CNBD1: variants seen among roughly 807,000 people sequenced by gnomAD.
The protein encoded by CNBD1 is cyclic nucleotide binding domain containing 1, also known as cyclic nucleotide-binding domain-containing protein 1.
A neutral mutation model predicts 54.4 loss-of-function variants in CNBD1; 71 were observed. The observed-to-expected ratio is 1.30, with a 90% CI of 1.08 to 1.59. The LOEUF is 1.59. Among genes scored for constraint, CNBD1 ranks in the 40% most tolerant of loss-of-function variants. The pLI, the probability that CNBD1 is intolerant of heterozygous loss-of-function variation, is 0.00. For synonymous variants in CNBD1, 182 were observed against 170.7 expected, an observed-to-expected ratio of 1.07 and a Z score of -0.51; for missense variants, 659 against 518.0, an observed-to-expected ratio of 1.27 and a Z score of -2.64.
At position 87,321,273 on chromosome 8, in the gene CNBD1, G is replaced by A. The variant is rs375672837; in HGVS notation, c.1043-30412G>A. On this transcript the variant is annotated intron_variant, in intron 8 of 10. Transcript: ENST00000518476. ...CTTCATACTGTTTTCCATAATAGCT[G>A]CAACATTTCGCATTATCACCAACAG... is the stretch of plus-strand genomic sequence containing the variant. 5.3e-5 allele frequency among the ~76,000 whole-genome samples: 8 copies of A among 152,116 alleles called. No individual in the cohort carries two copies. The East Asian group carries it at 7.7e-4, about 15-fold the overall frequency.
At chr8:86,993,135 G>C (rs1278498297) in intron 4 of CNBD1, among the ~76,000 whole-genome samples, 1 of 151,950 alleles carries the variant, frequency 6.6e-6, no homozygotes, top group Non-Finnish European at 1.5e-5. Flanking sequence ...ATATTTCTTG[G>C]AGATTTTATT....
chr8:87,204,587 A>G (rs1813929726), intron 4 of CNBD1, among the ~76,000 whole-genome samples: 1 of 152,174 alleles, frequency 6.6e-6, no homozygotes, highest in South Asian at 2.1e-4. Flanking sequence ...GCTACAAACA[A>G]GCAGAACTAA....
At chr8:87,383,043 A>T (rs1811113869), downstream of CNBD1, among the ~76,000 whole-genome samples, 1 of 151,526 alleles carries the variant, frequency 6.6e-6, no homozygotes, top group African/African-American at 2.4e-5. Context: ...TTTTGGGATT[A>T]AAAAAAATCT....
chr8:87,339,713 GC>G (rs1481433129), intron 8 of CNBD1, among the ~76,000 whole-genome samples: 1 of 151,654 alleles, frequency 6.6e-6, no homozygotes, highest in African/African-American at 2.4e-5. Context: ...TTACTGTGGG[GC>G]TTACATAAAA....
At position 87,264,252 on chromosome 8, in the gene CNBD1, GT is replaced by G. The variant is rs1251154274; in HGVS notation, c.772-20419del. 5.3e-5 allele frequency among the ~76,000 whole-genome samples: 8 copies of G among 151,938 alleles called. No homozygotes were observed. In the East Asian group the frequency reaches 9.8e-4, roughly 19 times the overall value. On this transcript the variant is annotated intron_variant, in intron 6 of 10. Coordinates refer to ENST00000518476, the MANE Select transcript of CNBD1 (RefSeq NM_173538.3). ...TATGAGTGAGAACATGTGGTGTTTG[GT>G]TTTTTTGTCCTTGCGATAGTTTGCT...
intron 4 of CNBD1, among the ~76,000 whole-genome samples, chr8:87,083,585 CTTTTTTTTT>C (rs752855766): frequency 1.7e-5 from 2 of 117,162 alleles, no homozygotes; most frequent in African/African-American, 6.6e-5. Flanking sequence ...CAATGTATTT[CTTTTTTTTT>C]TTTTTTTTTT....
chr8:87,040,353 T>A (rs1810038707), intron 4 of CNBD1, among the ~76,000 whole-genome samples: 1 of 152,196 alleles, frequency 6.6e-6, no homozygotes, highest in Admixed American at 6.5e-5. Context: ...CAGTTACAAT[T>A]TTGCAATGGT....
intron 6 of CNBD1, among the ~76,000 whole-genome samples, chr8:87,274,141 G>C (rs1429817891): frequency 6.6e-6 from 1 of 151,842 alleles, no homozygotes; most frequent in African/African-American, 2.4e-5. Flanking sequence ...TAGTGTATAT[G>C]TGCCACATTT....
intron 8 of CNBD1, among the ~76,000 whole-genome samples, chr8:87,351,177 T>G (rs894636798): frequency 6.6e-6 from 1 of 152,132 alleles, no homozygotes; most frequent in Non-Finnish European, 1.5e-5. Flanking sequence ...AGTAGCGGAG[T>G]AGGTTCAAAC....
chr8:87,043,758 G>C (rs1188302415), intron 4 of CNBD1, among the ~76,000 whole-genome samples: 1 of 152,174 alleles, frequency 6.6e-6, no homozygotes, highest in African/African-American at 2.4e-5. Context: ...CCAGTCCCCG[G>C]TTAATGTTCT....
At chr8:86,878,987 A>T (rs1808565346) in intron 1 of CNBD1, among the ~76,000 whole-genome samples, 1 of 152,290 alleles carries the variant, frequency 6.6e-6, no homozygotes. Flanking sequence ...AATGACATTG[A>T]CTTGATGTTC....
intron 2 of CNBD1, among the ~76,000 whole-genome samples, chr8:87,422,833 G>A (rs1807965292): frequency 6.6e-6 from 1 of 152,080 alleles, no homozygotes; most frequent in African/African-American, 2.4e-5. Flanking sequence ...AGCTTGTTGG[G>A]GATGGCATTG....
At chr8:87,266,612 G>A (rs1330487248) in intron 6 of CNBD1, among the ~76,000 whole-genome samples, 4 of 151,230 alleles carry the variant, frequency 2.6e-5, no homozygotes, top group Non-Finnish European at 5.9e-5. Context: ...CCACCACCCC[G>A]GCTAATTTTG....
chr8:87,417,460 A>G (rs1293153586), intron 2 of CNBD1, among the ~76,000 whole-genome samples: 1 of 152,002 alleles, frequency 6.6e-6, no homozygotes, highest in Admixed American at 6.6e-5. Context: ...ATAAAAGGGA[A>G]TTTCCTCAAC....
rs1024337931 is a variant in CNBD1, at chr8:87,279,811, A to G, written c.772-4867A>G. Among the ~76,000 whole-genome samples the G allele has an allele frequency of 1.1e-3, 169 of 151,366 alleles. 1 individual carries two copies. The highest frequency in any genetic ancestry group is 6.8e-3 in the Middle Eastern group (2 of 294). On this transcript the variant is annotated intron_variant, in intron 6 of 10. Transcript: ENST00000518476. ...TATATTACCTTTTCCACTTCTCAGA[A>G]AGGCAAGGATTGAAAAATAATATAT...
chr8:87,307,886 A>G (rs1454579564), intron 8 of CNBD1, among the ~76,000 whole-genome samples: 2 of 152,012 alleles, frequency 1.3e-5, no homozygotes, highest in African/African-American at 4.8e-5. Flanking sequence ...AAAATAATTT[A>G]TTGGTTTATA....
chr8:87,357,582 T>C (rs1810445044), intron 10 of CNBD1, among the ~76,000 whole-genome samples: 1 of 152,212 alleles, frequency 6.6e-6, no homozygotes, highest in African/African-American at 2.4e-5. Context: ...AATGTTTACT[T>C]GATTTCTTTA....
chr8:87,170,745 G>T (rs1813067883), intron 4 of CNBD1, among the ~76,000 whole-genome samples: 1 of 152,072 alleles, frequency 6.6e-6, no homozygotes, highest in Non-Finnish European at 1.5e-5. Flanking sequence ...TTTATCAAAT[G>T]CTTTTTCAGC....
chr8:87,249,039 T>A (rs1807862357), intron 6 of CNBD1, among the ~76,000 whole-genome samples: 1 of 152,180 alleles, frequency 6.6e-6, no homozygotes, highest in African/African-American at 2.4e-5. Context: ...TGCCACTCAC[T>A]GATAGGGTTT....
Sources: allele counts gnomAD v4.1 joint callset (sites outside exome capture counted in the v4.1 genomes callset), GRCh38; gene constraint gnomAD v4.1.1; transcripts MANE v1.5; gene names NCBI Gene and HGNC (gene_info 2026-07-23, HGNC 2026-07-21).